Variants in STC2 observed in about 807,000 individuals in gnomAD.
STC2 encodes the protein stanniocalcin 2.
Under a neutral mutation model 22.7 loss-of-function variants are expected in STC2, and 7 were observed. That is an observed-to-expected ratio of 0.31 (90% CI 0.18 to 0.58). STC2 has a LOEUF of 0.58. Among genes scored for constraint, STC2 ranks in the 20% least tolerant of loss-of-function variants. The pLI is 0.89. For missense variants in STC2, 336 were observed against 406.2 expected (o/e 0.83, Z 1.48); for synonymous variants, 158 against 163.4 (o/e 0.97, Z 0.25).
At chr5:173,320,392 C>A (rs1446541606) in intron 3 of STC2, among the ~76,000 whole-genome samples, 1 of 152,176 alleles carries the variant, frequency 6.6e-6, no homozygotes, top group African/African-American at 2.4e-5. Flanking sequence ...GGTGTGTGTG[C>A]CGAACCAAGT....
At position 173,318,031 on chromosome 5, in the gene STC2, G is replaced by C. The variant is rs561100501; in HGVS notation, c.725C>G (p.Ala242Gly). 1 of 1,612,106 alleles carries C rather than the reference G, an allele frequency of 6.2e-7. No individual in the cohort carries two copies. The highest frequency in any genetic ancestry group is 8.5e-7 in the Non-Finnish European group (1 of 1,179,354). The stretch of plus-strand genomic sequence containing the variant: ...GCTGGGCTCTGGGAGGTGATGTCCT[G>C]CTTCCCCGTGGTGGGCCCTGGAGAG... ...TKLSRAHHGE[A>G]GHHLPEPSSR... is the part of the protein sequence containing the mutation. The change falls in exon 4 of 4, where the codon GCA (alanine) becomes GGA (glycine). Residue 242 changes from alanine to glycine, a missense_variant. Ala to Gly is a moderately conservative substitution (Grantham distance 60). Around this residue, in one of 3 missense-constraint regions of STC2, gnomAD observed 215 missense variants for 231.5 expected, o/e 0.93. Transcript: ENST00000265087.
chr5:173,323,523 C>G lies in STC2; in HGVS notation c.295-93G>C. The stretch of plus-strand genomic sequence containing the variant: ...CATTTCAGCCCTTCTTGGGCTTACA[C>G]AGGATATTTCTGACATCAGAACCCC... On this transcript the variant is annotated intron_variant, in intron 2 of 3. Coordinates refer to ENST00000265087, the MANE Select transcript of STC2 (RefSeq NM_003714.3). This position sits in a 1 kb window ranked among gnomAD's most constrained non-coding sequence, Gnocchi z 5.4. 1 of 1,245,808 alleles carries G rather than the reference C, an allele frequency of 8.0e-7. No homozygotes were observed. The highest frequency in any genetic ancestry group is 1.3e-5 in the South Asian group (1 of 74,216). The allele number at this position is 1,245,808 out of a possible 1,614,324, so 77.2% of individuals were successfully genotyped here.
chr5:173,325,819 T>G lies in STC2; in HGVS notation c.294+49A>C, dbSNP rs1487081946. The G allele has an allele frequency of 1.2e-6, 2 of 1,609,222 alleles. No individual in the cohort carries two copies. On this transcript the variant is annotated intron_variant, in intron 2 of 3. Transcript: ENST00000265087. This position sits in a 1 kb window ranked among gnomAD's most constrained non-coding sequence, Gnocchi z 4.7. ...CAAGGCTTTCCAATGAACGTTTCAA[T>G]CATGTATGCTCACCCCAAACATTCT...
In STC2 at chr5:173,328,292, C is replaced by T; in HGVS notation, c.-99G>A. ...CCTTCGCCGCTTCCCCTCCTCCTCC[C>T]ACTCTTCCTTTTTGCTCGCCTTTTC... On this transcript the variant is annotated 5_prime_UTR_variant, in exon 1 of 4. Transcript: ENST00000265087. The T allele has an allele frequency of 7.8e-7, 1 of 1,288,698 alleles. No individual in the cohort carries two copies. Among genetic ancestry groups the T allele is most frequent in the African/African-American group, 1.5e-5 (1 of 65,594 alleles). The allele number at this position is 1,288,698 out of a possible 1,614,324, so 79.8% of individuals were successfully genotyped here.
At chr5:173,327,992 G>T in intron 1 of STC2, 51 bp downstream of exon 1, 1 of 1,399,870 alleles carries the variant, frequency 7.1e-7, no homozygotes, top group Non-Finnish European at 9.3e-7. Flanking sequence ...CCGCGTGGGT[G>T]CACGGTGTCC....
chr5:173,325,345 A>G lies in STC2; in HGVS notation c.294+523T>C, dbSNP rs1312757545. 6.6e-6 allele frequency among the ~76,000 whole-genome samples: 1 copy of G among 152,172 alleles called. No individual in the cohort carries two copies. Among genetic ancestry groups the G allele is most frequent in the Admixed American group, 6.5e-5 (1 of 15,268 alleles). ...GACTATATTTATCATATAGAGCAAA[A>G]GGAAAGTGTGGAACTGAAGGACTCA... On this transcript the variant is annotated intron_variant, in intron 2 of 3. Transcript: ENST00000265087. The surrounding 1 kb of genome is among the most constrained non-coding windows in gnomAD (Gnocchi z 4.7).
intron 3 of STC2, chr5:173,322,875 A>G: frequency 3.3e-6 from 1 of 304,352 alleles, no homozygotes; most frequent in Non-Finnish European, 6.3e-6. Flanking sequence ...TGCTGTCTGT[A>G]AGGACACCTC....
At chr5:173,318,808 G>A (rs1762455565) in intron 3 of STC2, among the ~76,000 whole-genome samples, 1 of 152,202 alleles carries the variant, frequency 6.6e-6, no homozygotes, top group Admixed American at 6.5e-5. Flanking sequence ...TTTGCCCCGG[G>A]TTTAGGCTTC....
At chr5:173,320,896 G>A (rs1762476581) in intron 3 of STC2, among the ~76,000 whole-genome samples, 2 of 150,658 alleles carry the variant, frequency 1.3e-5, no homozygotes, top group South Asian at 4.2e-4. Context: ...CAGTTAAGAT[G>A]GTTGGGAAAA....
Position 173,317,868 on chromosome 5 carries a change from C to G in STC2, c.888G>C (p.Glu296Asp). Residue 296 changes from glutamate to aspartate, a missense_variant, in exon 4 of 4, where the codon GAG (glutamate) becomes GAC (aspartate). Around this residue, in one of 3 missense-constraint regions of STC2, gnomAD observed 215 missense variants for 231.5 expected, o/e 0.93. Transcript: ENST00000265087. ...CATTTCACCTCCGGATATCAGAATA[C>G]TCAGACTGTTCGTCTTCCCACTCGC... ...GSSEWEDEQS[E>D]YSDIRR is the part of the protein sequence containing the mutation. 6.3e-7 allele frequency: 1 copy of G among 1,590,426 alleles called. No individual in the cohort carries two copies. The highest frequency in any genetic ancestry group is 1.1e-5 in the South Asian group (1 of 88,896).
intron 1 of STC2, among the ~76,000 whole-genome samples, chr5:173,327,262 A>C (rs1762559888): frequency 1.3e-5 from 2 of 152,132 alleles, no homozygotes; most frequent in South Asian, 2.1e-4. Flanking sequence ...AAGTCGGGGG[A>C]GGGGTCGTGG....
chr5:173,318,851 A>G (rs2113130666), intron 3 of STC2, among the ~76,000 whole-genome samples: 1 of 152,246 alleles, frequency 6.6e-6, no homozygotes, highest in Non-Finnish European at 1.5e-5. Flanking sequence ...AAGTTATTGG[A>G]TGCATTTCCT....
intron 3 of STC2, 38 bp from the exon 4 acceptor site, chr5:173,318,287 A>AGAGAGAGAGAGAGAGAGAGAGAGAGAGG (rs778974869): frequency 7.3e-7 from 1 of 1,371,694 alleles, no homozygotes; most frequent in African/African-American, 1.5e-5. Flanking sequence ...AGAGAGAGAG[A>AGAGAGAGAGAGAGAGAGAGAGAGAGAGG]GAGAGAGAGA....
intron 1 of STC2, chr5:173,326,915 G>T (rs555686109): frequency 8.5e-5 from 13 of 152,304 alleles, no homozygotes; most frequent in Middle Eastern, 3.4e-3. Flanking sequence ...TATTTTGGAA[G>T]AAGGGCGGGG....
In STC2 at chr5:173,325,007, A is replaced by G. The variant is rs907499875; in HGVS notation, c.294+861T>C. ...GCACTGCTTTGTCAGGCTCACTACT[A>G]TATGTCAGTGGATGGGGACTGGTGA... On this transcript the variant is annotated intron_variant, in intron 2 of 3. Coordinates refer to ENST00000265087, the MANE Select transcript of STC2 (RefSeq NM_003714.3). The surrounding 1 kb of genome is among the most constrained non-coding windows in gnomAD (Gnocchi z 4.7). 5.3e-5 allele frequency among the ~76,000 whole-genome samples: 8 copies of G among 152,218 alleles called. No homozygotes were observed. The highest frequency in any genetic ancestry group is 1.4e-4 in the African/African-American group (6 of 41,512).
At chr5:173,319,179 A>C (rs1331469253) in intron 3 of STC2, among the ~76,000 whole-genome samples, 1 of 152,158 alleles carries the variant, frequency 6.6e-6, no homozygotes, top group South Asian at 2.1e-4. Flanking sequence ...CACTGGAATA[A>C]TTTACTCCAG....
intron 1 of STC2, 29 bp from the exon 2 acceptor site, chr5:173,326,039 A>G (rs1368029488): frequency 1.2e-6 from 2 of 1,612,318 alleles, no homozygotes; most frequent in Non-Finnish European, 1.7e-6. Context: ...ACAAATATAT[A>G]CAAAACTCTA....
At chr5:173,321,419 G>A (rs1409678095) in intron 3 of STC2, among the ~76,000 whole-genome samples, 1 of 152,218 alleles carries the variant, frequency 6.6e-6, no homozygotes, top group Non-Finnish European at 1.5e-5. Flanking sequence ...GAAGCTCACG[G>A]TGTTTCCTAG....
intron 3 of STC2, among the ~76,000 whole-genome samples, chr5:173,320,033 C>T (rs959737860): frequency 6.6e-6 from 1 of 152,172 alleles, no homozygotes; most frequent in South Asian, 2.1e-4. Context: ...AAACTGCCTC[C>T]GGAGCTCAAG....
Sources: gnomAD v4.1 joint callset for allele counts (sites outside exome capture counted in the v4.1 genomes callset) on GRCh38, gnomAD v4.1.1 for gene constraint, gnomAD v4.1.1 regional missense constraint, Gnocchi (gnomAD v3.1) non-coding constraint, MANE v1.5 for transcripts, NCBI Gene and HGNC (gene_info 2026-07-23, HGNC 2026-07-21) for gene names.